The following C1orf87 variants were observed in gnomAD, a reference collection of about 807,000 sequenced individuals.
The protein encoded by C1orf87 is uncharacterized protein C1orf87.
A neutral mutation model predicts 60.5 loss-of-function variants in C1orf87; 58 were observed. That is an observed-to-expected ratio of 0.96 (90% confidence interval 0.78 to 1.19). The LOEUF (loss-of-function observed/expected upper bound fraction) is 1.19, where lower values mean the gene tolerates loss of function less well. Ranked by LOEUF, C1orf87 falls within the 50% of genes most tolerant of loss-of-function variation. The pLI is 0.00. For synonymous variants in C1orf87, 236 were observed against 227.4 expected (o/e 1.04, Z -0.34); for missense variants, 673 against 638.6 (o/e 1.05, Z -0.58).
intron 9 of C1orf87, among the ~76,000 whole-genome samples, chr1:60,007,010 C>T (rs554870867): frequency 6.6e-6 from 1 of 152,024 alleles, no homozygotes; most frequent in South Asian, 2.1e-4. Context: ...CTCATGGGCA[C>T]AAGTGATCTT....
chr1:60,005,770 CGT>C lies in C1orf87; in HGVS notation c.1193-4616_1193-4615del, dbSNP rs139222813. On this transcript the variant is annotated intron_variant, in intron 9 of 11. Transcript: ENST00000371201. Reference sequence around the variant, plus strand: ...CCACACCATGTGACTGAAGCTGATTCGTGTGTGTGTGTGTGTGTGTGCTTCTC... The same window carrying C: ...CCACACCATGTGACTGAAGCTGATTCGTGTGTGTGTGTGTGTGTGCTTCTC... Among the ~76,000 whole-genome samples, 65 of 143,530 alleles carry C rather than the reference CGT, an allele frequency of 4.5e-4. 1 individual carries two copies. Among genetic ancestry groups the C allele is most frequent in the East Asian group, 8.2e-4 (4 of 4,896 alleles). 94.2% of individuals were successfully genotyped at this position (143,530 alleles called of 152,430 possible). A position where few individuals can be genotyped will look rare whatever the true frequency, so the allele number is the denominator to read the frequency against.
chr1:60,044,764 T>C (rs2100303131), intron 3 of C1orf87, among the ~76,000 whole-genome samples: 1 of 152,362 alleles, frequency 6.6e-6, no homozygotes, highest in East Asian at 1.9e-4. Context: ...CCCAGGTTTC[T>C]GACCTTGGGA....
At chr1:59,993,635 A>C (rs948317895) in intron 11 of C1orf87, among the ~76,000 whole-genome samples, 1 of 152,156 alleles carries the variant, frequency 6.6e-6, no homozygotes, top group Non-Finnish European at 1.5e-5. Flanking sequence ...GTATCTGTCT[A>C]ATTTACTCTG....
intron 11 of C1orf87, among the ~76,000 whole-genome samples, chr1:59,994,121 T>A (rs889532852): frequency 1.3e-5 from 2 of 152,240 alleles, no homozygotes; most frequent in Non-Finnish European, 2.9e-5. Context: ...ATCTTTTATC[T>A]CATTTGATCC....
rs765889274 is a variant in C1orf87 at position 59,990,793 on chromosome 1, GT to G, written c.1520del (p.Asn507ThrfsTer10). On this transcript the variant is annotated frameshift_variant, in exon 12 of 12. Transcript: ENST00000371201. LOFTEE classifies it high-confidence loss of function. ...EKERARRLIH[N>X]YNLIYNLSLS... Reference sequence around the variant, plus strand: ...GGGACAGGTTGTAAATGAGATTGTAGTTGTGAATGAGGCGTCTGGCTCGTTC... The same window carrying G: ...GGGACAGGTTGTAAATGAGATTGTAGTGTGAATGAGGCGTCTGGCTCGTTC... 2 of 1,613,988 alleles carry G rather than the reference GT, an allele frequency of 1.2e-6. No individual in the cohort carries two copies. The highest frequency in any genetic ancestry group is 2.7e-5 in the African/African-American group (2 of 74,944).
At chr1:60,025,558 A>G (rs1645193420) in intron 7 of C1orf87, 60 bp from the exon 8 acceptor site, 1 of 1,254,554 alleles carries the variant, frequency 8.0e-7, no homozygotes. Context: ...AAATGTTTCA[A>G]TAGAATACAA....
intron 7 of C1orf87, among the ~76,000 whole-genome samples, chr1:60,026,565 A>G (rs1017481908): frequency 7.2e-5 from 11 of 151,728 alleles, no homozygotes; most frequent in African/African-American, 2.7e-4. Context: ...AGGGAGGGAG[A>G]GAGAGAGAGG....
chr1:60,042,835 G>T (rs547149067), intron 3 of C1orf87, among the ~76,000 whole-genome samples: 1 of 152,322 alleles, frequency 6.6e-6, no homozygotes, highest in South Asian at 2.1e-4. Context: ...TGCTCTCACA[G>T]AGTTTGCTGA....
chr1:60,018,152 C>T (rs1472777437), intron 8 of C1orf87, among the ~76,000 whole-genome samples: 1 of 152,186 alleles, frequency 6.6e-6, no homozygotes, highest in East Asian at 1.9e-4. Flanking sequence ...ATGATTCGTG[C>T]ATTCAGCTTC....
At chr1:60,042,005 A>G (rs1645328651) in intron 3 of C1orf87, among the ~76,000 whole-genome samples, 1 of 152,060 alleles carries the variant, frequency 6.6e-6, no homozygotes, top group Non-Finnish European at 1.5e-5. Flanking sequence ...TTTCCCACCT[A>G]AACCCCAGAG....
At chr1:60,021,322 G>A (rs1645162028) in intron 8 of C1orf87, among the ~76,000 whole-genome samples, 1 of 152,164 alleles carries the variant, frequency 6.6e-6, no homozygotes, top group African/African-American at 2.4e-5. Context: ...TTGCTAGCAT[G>A]GAGATCACTA....
In C1orf87 at chr1:60,055,261, T is replaced by C. The variant is rs753589021; in HGVS notation, c.285A>G (p.Ser95=). The part of the protein sequence containing the change: ...EKKHPENNQK[S]ENNQKLLTGA... ...CTGTTAGTAGTTTCTGGTTGTTTTC[T>C]GATTTCTGGTTGTTCTCTGGGTGCT... is the stretch of plus-strand genomic sequence containing the variant. The change falls in exon 3 of 12, where the codon TCA becomes TCG. Residue 95 remains serine, a synonymous_variant. Coordinates refer to ENST00000371201, the MANE Select transcript of C1orf87 (RefSeq NM_152377.3). 15 of 1,614,234 alleles carry C rather than the reference T, an allele frequency of 9.3e-6. No individual in the cohort carries two copies. In the East Asian group the frequency reaches 2.9e-4, roughly 31 times the overall value.
At chr1:60,061,217 A>G (rs989561992) in intron 2 of C1orf87, among the ~76,000 whole-genome samples, 3 of 152,250 alleles carry the variant, frequency 2.0e-5, no homozygotes, top group Admixed American at 6.5e-5. Context: ...AAAATACTCT[A>G]TCAATATAAA....
At chr1:60,047,322 A>C (rs1645379379) in intron 3 of C1orf87, among the ~76,000 whole-genome samples, 2 of 152,318 alleles carry the variant, frequency 1.3e-5, no homozygotes, top group Non-Finnish European at 2.9e-5. Flanking sequence ...GAATATATAC[A>C]TTTAAACATA....
chr1:59,995,397 C>T (rs954642456), intron 11 of C1orf87, among the ~76,000 whole-genome samples: 3 of 152,184 alleles, frequency 2.0e-5, no homozygotes, highest in Non-Finnish European at 1.5e-5. Context: ...TGCCTTCCTC[C>T]GCATGTACAT....
chr1:60,072,133 C>T (rs1158217541), intron 2 of C1orf87, among the ~76,000 whole-genome samples: 1 of 152,118 alleles, frequency 6.6e-6, no homozygotes, highest in African/African-American at 2.4e-5. Context: ...GAAAACCTTA[C>T]AATTTATGAT....
At chr1:60,060,231 T>G (rs1385338655) in intron 2 of C1orf87, among the ~76,000 whole-genome samples, 1 of 152,136 alleles carries the variant, frequency 6.6e-6, no homozygotes, top group East Asian at 1.9e-4. Flanking sequence ...TTATTTTAGC[T>G]AATATGTTCT....
At chr1:60,030,380 G>A (rs1645229477) in intron 7 of C1orf87, among the ~76,000 whole-genome samples, 1 of 152,184 alleles carries the variant, frequency 6.6e-6, no homozygotes, top group Admixed American at 6.5e-5. Context: ...AACTACAGAA[G>A]GAGGTCTTAC....
At chr1:59,999,460 G>A (rs961777682) in intron 10 of C1orf87, among the ~76,000 whole-genome samples, 4 of 152,108 alleles carry the variant, frequency 2.6e-5, no homozygotes, top group African/African-American at 9.7e-5. Flanking sequence ...CATACATTTT[G>A]ATGGATAATT....
Sources: gnomAD v4.1 joint callset for allele counts (sites outside exome capture counted in the v4.1 genomes callset) on GRCh38, gnomAD v4.1.1 for gene constraint, MANE v1.5 for transcripts, NCBI Gene and HGNC (gene_info 2026-07-23, HGNC 2026-07-21) for gene names.